The following IQUB variants were observed in gnomAD, a reference collection of about 807,000 sequenced individuals.
The protein encoded by IQUB is IQ motif and ubiquitin domain containing.
In IQUB, 86 loss-of-function variants were observed where a neutral mutation model predicts 86.4. The observed-to-expected ratio is 1.00, with a 90% CI of 0.84 to 1.19. The LOEUF (loss-of-function observed/expected upper bound fraction) is 1.19, where lower values mean the gene tolerates loss of function less well. Among genes scored for constraint, IQUB ranks in the 50% most tolerant of loss-of-function variants. IQUB has a pLI of 0.00. For missense variants in IQUB, 946 were observed against 916.9 expected (o/e 1.03, Z -0.41); for synonymous variants, 289 against 304.5 (o/e 0.95, Z 0.53).
At position 123,464,823 on chromosome 7, in the gene IQUB, T is replaced by C. The variant is rs149497260; in HGVS notation, c.1758+10A>G. On this transcript the variant is annotated intron_variant, in intron 10 of 12. Coordinates refer to ENST00000324698, the MANE Select transcript of IQUB (RefSeq NM_178827.5). ...TTTGAAACAGGAATATAGAGAAAAATGTAGAATACCTTAAGGTATTTTGCA... is the reference window on the plus strand; with the variant it reads ...TTTGAAACAGGAATATAGAGAAAAACGTAGAATACCTTAAGGTATTTTGCA... The C allele has an allele frequency of 8.1e-4, 1,229 of 1,521,002 alleles. 8 individuals are homozygous for C. The African/African-American group carries it at 0.015, about 19-fold the overall frequency. 94.2% of individuals were successfully genotyped at this position (1,521,002 alleles called of 1,614,324 possible).
At chr7:123,464,728 A>G (rs1448758738) in intron 10 of IQUB, 105 bp downstream of exon 10, 6 of 587,862 alleles carry the variant, frequency 1.0e-5, no homozygotes, top group African/African-American at 5.8e-5. Flanking sequence ...GGTATTCCAC[A>G]TGGACTCCCA....
intron 7 of IQUB, among the ~76,000 whole-genome samples, chr7:123,482,944 C>T (rs1288628042): frequency 6.6e-6 from 1 of 152,098 alleles, no homozygotes; most frequent in Non-Finnish European, 1.5e-5. Context: ...AAACTGCAGC[C>T]CACTGCTCAT....
At chr7:123,502,819 ATATG>A in intron 5 of IQUB, 67 bp from the exon 6 acceptor site, 1 of 1,384,482 alleles carries the variant, frequency 7.2e-7, no homozygotes, top group Non-Finnish European at 9.9e-7. Flanking sequence ...GTTTTTCTAC[ATATG>A]TGAGTTCATT....
Position 123,464,939 on chromosome 7 carries a change from C to A in IQUB, c.1652G>T (p.Gly551Val). The A allele has an allele frequency of 6.3e-7, 1 of 1,599,704 alleles. No homozygotes were observed. The change falls in exon 10 of 13, where the codon GGA becomes GTA. Residue 551 changes from glycine to valine, a missense_variant. Physicochemically the swap from Gly to Val is moderately radical, Grantham distance 109 (BLOSUM62 -3). Transcript: ENST00000324698. ...TCCTTCAAGGTTATGATGTTTGACT[C>A]CTCTCATCATAAGGTCAACCTCTCT... ...IDREVDLMMR[G>V]VKHHNLEGLR... is the part of the protein sequence containing the mutation.
At chr7:123,492,477 G>T (rs1795515711) in intron 7 of IQUB, among the ~76,000 whole-genome samples, 2 of 152,124 alleles carry the variant, frequency 1.3e-5, no homozygotes, top group African/African-American at 4.8e-5. Flanking sequence ...GAGTTTTTAG[G>T]TATAACACCA....
intron 6 of IQUB, among the ~76,000 whole-genome samples, chr7:123,497,582 T>G (rs1485499586): frequency 6.6e-6 from 1 of 151,954 alleles, no homozygotes; most frequent in Non-Finnish European, 1.5e-5. Flanking sequence ...TGAGAGAGTT[T>G]ATCATTTTTT....
intron 1 of IQUB, among the ~76,000 whole-genome samples, chr7:123,513,883 A>C (rs1442142557): frequency 6.6e-6 from 1 of 152,156 alleles, no homozygotes; most frequent in Non-Finnish European, 1.5e-5. Flanking sequence ...TCCTGGCCTC[A>C]AGTGATTCAT....
intron 6 of IQUB, among the ~76,000 whole-genome samples, chr7:123,498,991 G>C (rs535206846): frequency 6.6e-6 from 1 of 151,952 alleles, no homozygotes; most frequent in Non-Finnish European, 1.5e-5. Context: ...GTAATAAGTA[G>C]GTAAGAAAAT....
chr7:123,521,198 T>C (rs1329862348), intron 1 of IQUB, among the ~76,000 whole-genome samples: 1 of 152,326 alleles, frequency 6.6e-6, no homozygotes, highest in South Asian at 2.1e-4. Flanking sequence ...TCATAGGTAC[T>C]GGATAAATCC....
chr7:123,496,975 G>A, intron 6 of IQUB, 69 bp from the exon 7 acceptor site: 6 of 921,234 alleles, frequency 6.5e-6, no homozygotes, highest in Non-Finnish European at 9.6e-6. Flanking sequence ...TAAAGGCAAT[G>A]ATGATTATTT....
intron 11 of IQUB, among the ~76,000 whole-genome samples, chr7:123,459,080 A>AG (rs199884345): frequency 4.5e-4 from 68 of 151,480 alleles, no homozygotes; most frequent in Middle Eastern, 3.4e-3. Context: ...ACCAATTACA[A>AG]GGGGGGGGAA....
chr7:123,502,933 A>G lies in IQUB; in HGVS notation c.867+11T>C. The G allele has an allele frequency of 6.3e-7, 1 of 1,597,472 alleles. No homozygotes were observed. The highest frequency in any genetic ancestry group is 1.1e-5 in the South Asian group (1 of 88,896). The stretch of plus-strand genomic sequence containing the variant: ...CCTTCAAAAACCTAAAGAGACAAAT[A>G]AAAACATTACCTGCGTATCCCTACA... On this transcript the variant is annotated intron_variant, in intron 5 of 12. Transcript: ENST00000324698.
At chr7:123,520,835 T>G (rs1245471518) in intron 1 of IQUB, among the ~76,000 whole-genome samples, 2 of 152,054 alleles carry the variant, frequency 1.3e-5, no homozygotes, top group Non-Finnish European at 2.9e-5. Context: ...GGATATATTT[T>G]TAAAATACAG....
chr7:123,511,896 A>G (rs947033558), intron 2 of IQUB, 48 bp downstream of exon 2: 4 of 1,396,000 alleles, frequency 2.9e-6, no homozygotes, highest in Admixed American at 4.6e-5. Flanking sequence ...AAACGCATTC[A>G]TTCTTCAAAA....
At chr7:123,495,634 T>G (rs1334284944) in intron 7 of IQUB, among the ~76,000 whole-genome samples, 1 of 152,148 alleles carries the variant, frequency 6.6e-6, no homozygotes, top group Non-Finnish European at 1.5e-5. Context: ...TTTCTGTGTC[T>G]TCATAAGGGT....
In IQUB at chr7:123,479,868, G is replaced by A. The variant is rs148490443; in HGVS notation, c.1337C>T (p.Ala446Val). The change falls in exon 8 of 13, where the codon GCT (alanine) becomes GTT (valine). Residue 446 changes from alanine to valine, a missense_variant. By Grantham distance (64) the Ala-to-Val change is moderately conservative. Transcript: ENST00000324698. ...AATGTATCTATGTCTCCCAATGGAA[G>A]CAATTATCTGAGTCTCTTTTTCCAG... ...ELLEKETQIIASIGRHRYIAY... is the reference protein window; with the variant it reads ...ELLEKETQIIVSIGRHRYIAY... 855 of 1,612,872 alleles carry A rather than the reference G, an allele frequency of 5.3e-4. No individual in the cohort carries two copies. The highest frequency in any genetic ancestry group is 6.2e-4 in the Non-Finnish European group (735 of 1,179,268).
chr7:123,462,327 G>C (rs1794029687), intron 10 of IQUB, among the ~76,000 whole-genome samples: 1 of 151,776 alleles, frequency 6.6e-6, no homozygotes, highest in African/African-American at 2.4e-5. Context: ...TTTTTATAAA[G>C]AAGGAAATGG....
intron 3 of IQUB, among the ~76,000 whole-genome samples, chr7:123,505,517 C>T (rs1377059621): frequency 6.6e-6 from 1 of 152,168 alleles, no homozygotes; most frequent in African/African-American, 2.4e-5. Flanking sequence ...TTCTGTGCAC[C>T]CACACGCTTA....
Position 123,496,785 on chromosome 7 carries a change from T to C in IQUB, c.1145A>G (p.Glu382Gly). The C allele has an allele frequency of 6.2e-7, 1 of 1,611,896 alleles. No individual in the cohort carries two copies. The highest frequency in any genetic ancestry group is 8.5e-7 in the Non-Finnish European group (1 of 1,178,454). ...ETQQELRKIR[E>G]KEEWIKLDYH... is the part of the protein sequence containing the mutation. ...GTCCAATTTTATCCATTCTTCTTTT[T>C]CTCTTATCTTCCTTAGTTCTTGCTG... Residue 382 changes from glutamate to glycine, a missense_variant, in exon 7 of 13, where the codon GAA becomes GGA. Glu to Gly is a moderately conservative substitution (Grantham distance 98). Coordinates refer to ENST00000324698, the MANE Select transcript of IQUB (RefSeq NM_178827.5).
Sources: gnomAD v4.1 joint callset for allele counts (sites outside exome capture counted in the v4.1 genomes callset) on GRCh38, gnomAD v4.1.1 for gene constraint, MANE v1.5 for transcripts, NCBI Gene and HGNC (gene_info 2026-07-23, HGNC 2026-07-21) for gene names.